Variants in EPHB2 observed in about 807,000 individuals in gnomAD.
EPHB2 encodes EPH receptor B2, also known as ephrin type-B receptor 2.
A neutral mutation model predicts 96.4 loss-of-function variants in EPHB2; 18 were observed. The observed-to-expected ratio is 0.19, with a 90% CI of 0.13 to 0.28. The LOEUF (loss-of-function observed/expected upper bound fraction) is 0.28, where lower values mean the gene tolerates loss of function less well. EPHB2 is among the 10% of genes least tolerant of loss of function. The pLI is 1.00. For missense variants in EPHB2, 989 were observed against 1,355.4 expected (o/e 0.73, Z 4.25); for synonymous variants, 506 against 534.1 (o/e 0.95, Z 0.72).
intron 1 of EPHB2, among the ~76,000 whole-genome samples, chr1:22,775,523 C>T (rs887793360): frequency 1.6e-4 from 24 of 152,342 alleles, no homozygotes; most frequent in Non-Finnish European, 2.5e-4. Flanking sequence ...AGCAACCACC[C>T]GCTCCAGCCT....
At chr1:22,770,784 A>T (rs1043101057) in intron 1 of EPHB2, among the ~76,000 whole-genome samples, 1 of 152,180 alleles carries the variant, frequency 6.6e-6, no homozygotes, top group African/African-American at 2.4e-5. Flanking sequence ...GTTCAGTAGG[A>T]ATATGAATGG....
intron 6 of EPHB2, among the ~76,000 whole-genome samples, chr1:22,885,762 G>A (rs1639204725): frequency 6.6e-6 from 1 of 152,146 alleles, no homozygotes; most frequent in East Asian, 1.9e-4. Flanking sequence ...AGAACGTTTA[G>A]GCATAAATGG....
intron 1 of EPHB2, among the ~76,000 whole-genome samples, chr1:22,734,662 C>T (rs1643787450): frequency 6.6e-6 from 1 of 152,064 alleles, no homozygotes; most frequent in African/African-American, 2.4e-5. Flanking sequence ...CCTCAGGCAT[C>T]TGCCTGCCTC....
chr1:22,711,869 G>A (rs951624060), intron 1 of EPHB2, among the ~76,000 whole-genome samples: 3 of 152,196 alleles, frequency 2.0e-5, no homozygotes, highest in African/African-American at 7.2e-5. Flanking sequence ...GGTACCACTC[G>A]ACCCCCAGGG....
At chr1:22,765,860 C>G (rs919636322) in intron 1 of EPHB2, among the ~76,000 whole-genome samples, 2 of 152,172 alleles carry the variant, frequency 1.3e-5, no homozygotes, top group Non-Finnish European at 2.9e-5. Flanking sequence ...GGGAACCCGC[C>G]ACTGGCCAGT....
Position 22,727,796 on chromosome 1 carries a change from CAA to C in EPHB2, c.61+16766_61+16767del, listed in dbSNP as rs369225615. Among the ~76,000 whole-genome samples, 225 of 74,296 alleles carry C rather than the reference CAA, an allele frequency of 3.0e-3. 1 individual carries two copies. The highest frequency in any genetic ancestry group is 0.026 in the East Asian group (48 of 1,868). The allele number at this position is 74,296 out of a possible 152,430, so 48.7% of individuals were successfully genotyped here. A position where few individuals can be genotyped will look rare whatever the true frequency, so the allele number is the denominator to read the frequency against. ...TTTTCTTTTCTTTAAAAAAAAAAAA[CAA>C]AAAAAAAAAAAACTTTTTTTTTTAA... On this transcript the variant is annotated intron_variant, in intron 1 of 15. Coordinates refer to ENST00000374630, the MANE Select transcript of EPHB2 (RefSeq NM_017449.5).
chr1:22,799,935 C>T (rs1405337838), intron 3 of EPHB2, among the ~76,000 whole-genome samples: 1 of 152,190 alleles, frequency 6.6e-6, no homozygotes, highest in African/African-American at 2.4e-5. Flanking sequence ...CAGTTCCCTC[C>T]CTTAAAGGCA....
Position 22,911,142 on chromosome 1 carries a change from A to AT in EPHB2, c.2696+567_2696+568insT, listed in dbSNP as rs1203760614. 3.4e-3 allele frequency among the ~76,000 whole-genome samples: 466 copies of AT among 136,144 alleles called. 4 individuals carry two copies. Among genetic ancestry groups the AT allele is most frequent in the South Asian group, 7.6e-3 (33 of 4,368 alleles). The allele number at this position is 136,144 out of a possible 152,430, so 89.3% of individuals were successfully genotyped here. On this transcript the variant is annotated intron_variant, in intron 14 of 15. Coordinates refer to ENST00000374630, the MANE Select transcript of EPHB2 (RefSeq NM_017449.5). ...GTGGCAAGAGTGAAACTCCATCTAA[A>AT]AAAATAAATAAATAAATAAATAAAT... is the stretch of plus-strand genomic sequence containing the variant.
At chr1:22,791,164 T>C (rs939367078) in intron 3 of EPHB2, among the ~76,000 whole-genome samples, 1 of 152,144 alleles carries the variant, frequency 6.6e-6, no homozygotes, top group African/African-American at 2.4e-5. Context: ...TTATGAACAC[T>C]GTCTTTGCCT....
chr1:22,755,178 C>T (rs1443342040), intron 1 of EPHB2, among the ~76,000 whole-genome samples: 1 of 152,036 alleles, frequency 6.6e-6, no homozygotes, highest in Non-Finnish European at 1.5e-5. Flanking sequence ...TTATGCCGTC[C>T]TAGAATACAG....
chr1:22,913,358 C>A lies in EPHB2; in HGVS notation c.2853-104C>A. On this transcript the variant is annotated intron_variant, in intron 15 of 15. Coordinates refer to ENST00000374630, the MANE Select transcript of EPHB2 (RefSeq NM_017449.5). This position sits in a 1 kb window ranked among gnomAD's most constrained non-coding sequence, Gnocchi z 4.1. ...CCCCACTCCCCACTCCCCAGTACTC[C>A]TTGCTTTGCCATCTTCCTCCCGGGG... is the stretch of plus-strand genomic sequence containing the variant. The A allele has an allele frequency of 6.8e-7, 1 of 1,471,174 alleles. No individual in the cohort carries two copies. The highest frequency in any genetic ancestry group is 2.4e-5 in the East Asian group (1 of 40,926). 91.1% of individuals were successfully genotyped at this position (1,471,174 alleles called of 1,614,324 possible).
chr1:22,721,462 G>C (rs1643464197), intron 1 of EPHB2, among the ~76,000 whole-genome samples: 1 of 152,168 alleles, frequency 6.6e-6, no homozygotes, highest in African/African-American at 2.4e-5. Flanking sequence ...TTGTGAATGA[G>C]TGAGGTGACT....
chr1:22,814,414 C>T (rs1209757465), intron 3 of EPHB2, among the ~76,000 whole-genome samples: 1 of 152,076 alleles, frequency 6.6e-6, no homozygotes, highest in African/African-American at 2.4e-5. Flanking sequence ...GCGGTGTCCC[C>T]AACACTGCCT....
At chr1:22,781,639 T>C (rs142628607) in intron 2 of EPHB2, among the ~76,000 whole-genome samples, 154 bp downstream of exon 2, 11 of 141,306 alleles carry the variant, frequency 7.8e-5, no homozygotes, top group Non-Finnish European at 1.7e-4. Flanking sequence ...TCCCCTACCA[T>C]TGATGGAGCC....
At chr1:22,728,306 T>C (rs1274835221) in intron 1 of EPHB2, among the ~76,000 whole-genome samples, 2 of 152,248 alleles carry the variant, frequency 1.3e-5, no homozygotes, top group East Asian at 3.8e-4. Flanking sequence ...AGAAAATGCT[T>C]TCCATGCAGA....
intron 3 of EPHB2, among the ~76,000 whole-genome samples, 155 bp from the exon 4 acceptor site, chr1:22,862,882 G>C (rs937216822): frequency 1.1e-4 from 16 of 152,174 alleles, no homozygotes; most frequent in African/African-American, 3.4e-4. Flanking sequence ...TTGGGGCCTG[G>C]AGACTTCAAA....
At chr1:22,763,007 G>T (rs1174914060) in intron 1 of EPHB2, among the ~76,000 whole-genome samples, 5 of 152,120 alleles carry the variant, frequency 3.3e-5, no homozygotes, top group Non-Finnish European at 7.4e-5. Flanking sequence ...AGACAAGGGG[G>T]CACGATTCCT....
intron 1 of EPHB2, among the ~76,000 whole-genome samples, chr1:22,762,595 T>G: frequency 6.6e-6 from 1 of 152,132 alleles, no homozygotes; most frequent in East Asian, 1.9e-4. Flanking sequence ...CCTGGCTTCA[T>G]GACCTGGGGA....
chr1:22,891,026 G>A (rs76622423), intron 6 of EPHB2: 6,541 of 454,320 alleles, frequency 0.014, 336 homozygotes, highest in African/African-American at 0.11. Flanking sequence ...CATGTCCCTC[G>A]GTATGTGCTT....
Sources: allele counts gnomAD v4.1 joint callset (sites outside exome capture counted in the v4.1 genomes callset), GRCh38; gene constraint gnomAD v4.1.1; non-coding constraint Gnocchi (gnomAD v3.1); transcripts MANE v1.5; gene names NCBI Gene and HGNC (gene_info 2026-07-23, HGNC 2026-07-21).